The following LRRTM4 variants were observed in gnomAD, a reference collection of about 807,000 sequenced individuals.
The protein encoded by LRRTM4 is leucine rich repeat transmembrane neuronal 4, also known as leucine-rich repeat transmembrane neuronal protein 4.
A neutral mutation model predicts 47.6 loss-of-function variants in LRRTM4; 25 were observed. That is an observed-to-expected ratio of 0.53 (90% CI 0.38 to 0.73). The LOEUF is 0.73. Ranked by LOEUF, LRRTM4 falls within the 30% of genes least tolerant of loss-of-function variation. The probability of loss-of-function intolerance (pLI) is 0.00; values close to 1 mark genes in which losing one functional copy is unlikely to be tolerated. For synonymous variants in LRRTM4, 311 were observed against 269.5 expected (o/e 1.15, Z -1.51); for missense variants, 638 against 713.4 (o/e 0.89, Z 1.20).
chr2:77,182,706 A>T (rs1558622436), intron 3 of LRRTM4, among the ~76,000 whole-genome samples: 1 of 152,080 alleles, frequency 6.6e-6, no homozygotes, highest in Admixed American at 6.6e-5. Context: ...TTCCAACACT[A>T]TGTTGAATAG....
chr2:77,111,543 G>A (rs997308048), intron 3 of LRRTM4, among the ~76,000 whole-genome samples: 1 of 152,008 alleles, frequency 6.6e-6, no homozygotes, highest in African/African-American at 2.4e-5. Context: ...GTTTTAAATT[G>A]CACACTGTTA....
intron 3 of LRRTM4, among the ~76,000 whole-genome samples, chr2:77,033,013 A>C (rs1678715204): frequency 6.6e-6 from 1 of 152,080 alleles, no homozygotes; most frequent in Non-Finnish European, 1.5e-5. Flanking sequence ...GTAGAACAGC[A>C]CACAGGGAAT....
At chr2:77,522,026 CTG>C (rs1278697148) in intron 1 of LRRTM4, 81 bp downstream of exon 1, 2 of 703,536 alleles carry the variant, frequency 2.8e-6, no homozygotes, top group Admixed American at 2.1e-5. Context: ...AATTGGCAAT[CTG>C]TGCAAAAGAG....
chr2:77,297,841 C>T (rs559848050), intron 3 of LRRTM4, among the ~76,000 whole-genome samples: 64 of 152,282 alleles, frequency 4.2e-4, no homozygotes, highest in Non-Finnish European at 7.6e-4. Context: ...CCAAAACATC[C>T]ACCTTTGTTA....
intron 3 of LRRTM4, among the ~76,000 whole-genome samples, chr2:77,502,011 C>T (rs1030486888): frequency 2.6e-5 from 4 of 151,208 alleles, no homozygotes; most frequent in Admixed American, 1.3e-4. Context: ...TTAAGTGTAT[C>T]AGAAATGACA....
At chr2:76,821,094 C>CA (rs1671041210) in intron 3 of LRRTM4, among the ~76,000 whole-genome samples, 1 of 151,600 alleles carries the variant, frequency 6.6e-6, no homozygotes, top group Non-Finnish European at 1.5e-5. Flanking sequence ...CTGATGAACA[C>CA]AAAACCATAA....
intron 3 of LRRTM4, among the ~76,000 whole-genome samples, chr2:77,051,643 T>G (rs1429208455): frequency 6.6e-6 from 1 of 152,184 alleles, no homozygotes; most frequent in African/African-American, 2.4e-5. Flanking sequence ...TTTCTATTCT[T>G]TTTCTCTGGG....
intron 3 of LRRTM4, among the ~76,000 whole-genome samples, chr2:77,256,056 G>C (rs1018073424): frequency 6.6e-6 from 1 of 151,972 alleles, no homozygotes; most frequent in Non-Finnish European, 1.5e-5. Flanking sequence ...GAGAACAAAG[G>C]AGGAAAAACA....
At chr2:77,403,124 T>TA (rs375601245) in intron 3 of LRRTM4, among the ~76,000 whole-genome samples, 3 of 151,932 alleles carry the variant, frequency 2.0e-5, no homozygotes, top group Admixed American at 6.6e-5. Context: ...GAAAACCTCC[T>TA]AAAAAAATGT....
chr2:77,429,344 A>G (rs910278332), intron 3 of LRRTM4, among the ~76,000 whole-genome samples: 3 of 152,276 alleles, frequency 2.0e-5, no homozygotes, highest in African/African-American at 7.2e-5. Flanking sequence ...CAATCTCACT[A>G]CTTAATATAT....
At chr2:77,247,431 CGTCT>C (rs938620860) in intron 3 of LRRTM4, among the ~76,000 whole-genome samples, 6 of 151,956 alleles carry the variant, frequency 3.9e-5, no homozygotes, top group East Asian at 3.9e-4. Flanking sequence ...GTGAAAAAAC[CGTCT>C]GTCTATTTTC....
rs368997723 is a variant in LRRTM4, at chr2:77,375,937, T to G, written c.1551+142381A>C. 9.5e-4 allele frequency among the ~76,000 whole-genome samples: 145 copies of G among 151,910 alleles called. 1 individual carries two copies. The highest frequency in any genetic ancestry group is 3.3e-3 in the African/African-American group (137 of 41,536). On this transcript the variant is annotated intron_variant, in intron 3 of 3. Transcript: ENST00000409884. ...AGCAATTCCCCATTTCCCCTTTCCC[T>G]AAATCCTGGCAACCACCATTCTCTC...
At chr2:76,808,669 C>T (rs1670636393) in intron 3 of LRRTM4, among the ~76,000 whole-genome samples, 1 of 152,222 alleles carries the variant, frequency 6.6e-6, no homozygotes, top group African/African-American at 2.4e-5. Flanking sequence ...CTGAAGTCCA[C>T]TTCCAAATTC....
chr2:76,760,238 A>G (rs1673204711), intron 3 of LRRTM4, among the ~76,000 whole-genome samples: 1 of 152,192 alleles, frequency 6.6e-6, no homozygotes, highest in Non-Finnish European at 1.5e-5. Context: ...CAGTCTACAA[A>G]TATTTGCATA....
chr2:77,057,208 A>G (rs985780951), intron 3 of LRRTM4, among the ~76,000 whole-genome samples: 1 of 152,216 alleles, frequency 6.6e-6, no homozygotes, highest in Non-Finnish European at 1.5e-5. Flanking sequence ...TATGCTTTCA[A>G]TAAAGATATA....
intron 3 of LRRTM4, among the ~76,000 whole-genome samples, chr2:77,359,690 T>C (rs1198569670): frequency 1.3e-5 from 2 of 152,216 alleles, no homozygotes; most frequent in African/African-American, 4.8e-5. Flanking sequence ...TGGCCAAGGA[T>C]TGAATCTTGG....
chr2:76,984,297 T>G (rs6720238), intron 3 of LRRTM4, among the ~76,000 whole-genome samples: 9,456 of 152,034 alleles, frequency 0.062, 890 homozygotes, highest in African/African-American at 0.21. Flanking sequence ...TAATTGAAAT[T>G]TGTCCTCAAA....
In LRRTM4 at chr2:76,799,892, C is replaced by T. The variant is rs1024261065; in HGVS notation, c.1552-50976G>A. Among the ~76,000 whole-genome samples the T allele has an allele frequency of 2.4e-3, 359 of 150,088 alleles. 5 individuals are homozygous for T. Among genetic ancestry groups the T allele is most frequent in the African/African-American group, 8.3e-3 (339 of 40,630 alleles). ...ATAAAATACCTAGGAATCCAACTTA[C>T]AAGGGATGAGAAGGACCTCTTCAAG... On this transcript the variant is annotated intron_variant, in intron 3 of 3. Transcript: ENST00000409884.
At chr2:76,775,390 C>T (rs1449595321) in intron 3 of LRRTM4, among the ~76,000 whole-genome samples, 2 of 152,098 alleles carry the variant, frequency 1.3e-5, no homozygotes, top group Non-Finnish European at 2.9e-5. Flanking sequence ...CATTTGAGGG[C>T]AAGTAGACCA....
Sources: allele counts gnomAD v4.1 joint callset (sites outside exome capture counted in the v4.1 genomes callset), GRCh38; gene constraint gnomAD v4.1.1; transcripts MANE v1.5; gene names NCBI Gene and HGNC (gene_info 2026-07-23, HGNC 2026-07-21).